CDON: variants seen among roughly 807,000 people sequenced by gnomAD.
CDON encodes cell adhesion associated, oncogene regulated, also known as cell adhesion molecule-related/down-regulated by oncogenes.
In CDON, 73 loss-of-function variants were observed where a neutral mutation model predicts 120.9. The observed-to-expected ratio is 0.60, with a 90% CI of 0.50 to 0.73. CDON has a LOEUF of 0.73. Ranked by LOEUF, CDON falls within the 30% of genes least tolerant of loss-of-function variation. The pLI is 0.00. For missense variants in CDON, 1,470 were observed against 1,587.3 expected (o/e 0.93, Z 1.26); for synonymous variants, 566 against 573.5 (o/e 0.99, Z 0.19).
At position 125,958,173 on chromosome 11, in the gene CDON, C is replaced by G. The variant is rs886047949; in HGVS notation, c.*2769G>C. The G allele has an allele frequency of 6.6e-6, 1 of 152,248 alleles. No individual in the cohort carries two copies. The highest frequency in any genetic ancestry group is 2.1e-4 in the South Asian group (1 of 4,818). The allele number at this position is 152,248 out of a possible 1,614,324, so 9.4% of individuals were successfully genotyped here. On this transcript the variant is annotated 3_prime_UTR_variant, in exon 20 of 20. Transcript: ENST00000531738. ...CAGGGATAGATCACAGCATACGGAA[C>G]GGGACTGGTTCCATCCAAAGAGTGA...
intron 1 of CDON, among the ~76,000 whole-genome samples, chr11:126,046,738 T>C (rs562659661): frequency 2.0e-4 from 31 of 152,140 alleles, no homozygotes; most frequent in African/African-American, 9.7e-5. Flanking sequence ...CCTGGCCAGC[T>C]AGAAACAAAA....
chr11:126,032,122 T>C (rs911918647), intron 1 of CDON, among the ~76,000 whole-genome samples: 9 of 152,084 alleles, frequency 5.9e-5, no homozygotes, highest in Non-Finnish European at 8.8e-5. Context: ...AATAAAGGTT[T>C]TCAGAGATTA....
intron 3 of CDON, among the ~76,000 whole-genome samples, chr11:126,021,001 A>AC (rs1947617905): frequency 6.6e-6 from 1 of 151,786 alleles, no homozygotes; most frequent in Non-Finnish European, 1.5e-5. Flanking sequence ...GAAAAAAAAA[A>AC]AACTGTCCTA....
chr11:125,961,881 A>G lies in CDON; in HGVS notation c.3474T>C (p.Pro1158=), dbSNP rs1417378730. ...CAGGGACTGCGGAAGTCAGGCATAC[A>G]GGCACCTTCACGTGACTGAGGGGCT... is the stretch of plus-strand genomic sequence containing the variant. ...EMKPLSHVKV[P]VCLTSAVPDC... is the part of the protein sequence containing the mutation. Residue 1158 remains proline (P), a synonymous_variant, in exon 19 of 20, where the codon CCT becomes CCC. Coordinates refer to ENST00000531738, the MANE Select transcript of CDON (RefSeq NM_001378964.1). 6.2e-7 allele frequency: 1 copy of G among 1,614,208 alleles called. No individual in the cohort carries two copies. Among genetic ancestry groups the G allele is most frequent in the Non-Finnish European group, 8.5e-7 (1 of 1,180,026 alleles).
intron 1 of CDON, among the ~76,000 whole-genome samples, chr11:126,040,272 A>G (rs956239618): frequency 1.5e-4 from 23 of 152,236 alleles, no homozygotes; most frequent in Non-Finnish European, 2.9e-4. Context: ...TAGAGGAACT[A>G]GATTAACCAC....
intron 15 of CDON, among the ~76,000 whole-genome samples, chr11:125,987,476 TA>T (rs1946501797): frequency 6.6e-6 from 1 of 152,214 alleles, no homozygotes; most frequent in South Asian, 2.1e-4. Context: ...ATCTTCCATG[TA>T]AACAGGCTGG....
intron 9 of CDON, 150 bp from the exon 10 acceptor site, chr11:126,004,226 T>G (rs972221645): frequency 2.5e-5 from 19 of 763,456 alleles, no homozygotes; most frequent in East Asian, 1.9e-4. Flanking sequence ...ACACAATACT[T>G]CTTCATATTA....
chr11:125,970,165 A>T (rs546773666), intron 18 of CDON, among the ~76,000 whole-genome samples: 2 of 137,780 alleles, frequency 1.5e-5, no homozygotes, highest in South Asian at 2.5e-4. Context: ...TCTTGGTGGT[A>T]GTTTATGTTT....
At chr11:125,961,175 C>T in intron 19 of CDON, 70 bp from the exon 20 acceptor site, 1 of 1,362,648 alleles carries the variant, frequency 7.3e-7, no homozygotes, top group East Asian at 2.4e-5. Flanking sequence ...AGTCTAAAAA[C>T]TTCTTCACAC....
At chr11:125,962,456 GA>G (rs1423616325) in intron 18 of CDON, among the ~76,000 whole-genome samples, 1 of 152,220 alleles carries the variant, frequency 6.6e-6, no homozygotes, top group African/African-American at 2.4e-5. Flanking sequence ...ACACTGCTTT[GA>G]AATCAGATTA....
chr11:126,006,064 G>GGA lies in CDON; in HGVS notation c.1553-9_1553-8dup, dbSNP rs762936563. The stretch of plus-strand genomic sequence containing the variant: ...GTATTTGTTTCAAAAGGAACTGCAG[G>GGA]GAGAGAGAGAGGAGACAGCTTGAAG... On this transcript the variant is annotated splice_polypyrimidine_tract_variant and splice_region_variant and intron_variant, in intron 8 of 19. Transcript: ENST00000531738. The GGA allele has an allele frequency of 4.3e-6, 7 of 1,612,858 alleles. No homozygotes were observed. The highest frequency in any genetic ancestry group is 1.7e-5 in the Admixed American group (1 of 59,972).
intron 12 of CDON, among the ~76,000 whole-genome samples, chr11:125,996,237 A>G (rs1946779350): frequency 6.6e-6 from 1 of 152,002 alleles, no homozygotes; most frequent in South Asian, 2.1e-4. Context: ...TCTAACTGTA[A>G]ATAAACAGAA....
chr11:126,052,592 G>A (rs1215296617), intron 1 of CDON, among the ~76,000 whole-genome samples: 1 of 152,192 alleles, frequency 6.6e-6, no homozygotes, highest in Non-Finnish European at 1.5e-5. Flanking sequence ...GGAGGACAAG[G>A]TGGGTGGATC....
intron 1 of CDON, among the ~76,000 whole-genome samples, chr11:126,032,512 G>A (rs1357660084): frequency 6.6e-6 from 1 of 152,070 alleles, no homozygotes; most frequent in African/African-American, 2.4e-5. Context: ...TCTGAGAGGA[G>A]GGTGTCAAAG....
At chr11:125,984,696 CAAAAA>C (rs11306066) in intron 15 of CDON, among the ~76,000 whole-genome samples, 4 of 115,414 alleles carry the variant, frequency 3.5e-5, no homozygotes, top group African/African-American at 3.3e-5. Flanking sequence ...GATTCTGTCT[CAAAAA>C]AAAAAAAAAA....
chr11:125,992,900 C>T lies in CDON; in HGVS notation c.2650+1384G>A, dbSNP rs1005506317. On this transcript the variant is annotated intron_variant, in intron 14 of 19. Coordinates refer to ENST00000531738, the MANE Select transcript of CDON (RefSeq NM_001378964.1). ...TTCAAAGAATCAGAATCTTGGAGTG[C>T]AAAAAAGACCTTGGAAAAAGCCTTC... Among the ~76,000 whole-genome samples the T allele has an allele frequency of 2.6e-5, 4 of 152,086 alleles. No individual in the cohort carries two copies. The East Asian group carries it at 5.8e-4, about 22-fold the overall frequency.
chr11:126,000,255 T>C (rs975252973), intron 11 of CDON, among the ~76,000 whole-genome samples: 2 of 152,224 alleles, frequency 1.3e-5, no homozygotes, highest in Admixed American at 1.3e-4. Flanking sequence ...TCACCCAGGC[T>C]GGAGTGCAGT....
At position 125,994,277 on chromosome 11, in the gene CDON, G is replaced by A; in HGVS notation, c.2650+7C>T. ...TTACAGGGACTCCAGTGTGCCAGGG[G>A]ACTTACCTTCTACAACATCCCTCTT... On this transcript the variant is annotated splice_region_variant and intron_variant, in intron 14 of 19. Transcript: ENST00000531738. 1 of 1,478,102 alleles carries A rather than the reference G, an allele frequency of 6.8e-7. No homozygotes were observed. The highest frequency in any genetic ancestry group is 9.5e-7 in the Non-Finnish European group (1 of 1,056,814). 91.6% of individuals were successfully genotyped at this position (1,478,102 alleles called of 1,614,324 possible).
upstream of CDON, among the ~76,000 whole-genome samples, chr11:126,062,988 C>G (rs78872215): frequency 1.2e-4 from 18 of 151,876 alleles, no homozygotes; most frequent in East Asian, 3.1e-3. Flanking sequence ...GAATGACTGA[C>G]GGAGGCGGGC....
Sources: gnomAD v4.1 joint callset for allele counts (sites outside exome capture counted in the v4.1 genomes callset) on GRCh38, gnomAD v4.1.1 for gene constraint, MANE v1.5 for transcripts, NCBI Gene and HGNC (gene_info 2026-07-23, HGNC 2026-07-21) for gene names.